The following GFI1B variants were observed in gnomAD, a reference collection of about 807,000 sequenced individuals.
GFI1B encodes growth factor independent 1B transcriptional repressor, also known as zinc finger protein Gfi-1b.
Under a neutral mutation model 35.3 loss-of-function variants are expected in GFI1B, and 20 were observed. That is an observed-to-expected ratio of 0.57 (90% CI 0.40 to 0.82). GFI1B has a LOEUF of 0.82. Ranked by LOEUF, GFI1B falls within the 40% of genes least tolerant of loss-of-function variation. The pLI, the probability that GFI1B is intolerant of heterozygous loss-of-function variation, is 0.00. For missense variants in GFI1B, 430 were observed against 446.3 expected, an observed-to-expected ratio of 0.96 and a Z score of 0.33; for synonymous variants, 178 against 177.6, an observed-to-expected ratio of 1.00 and a Z score of -0.02.
chr9:132,989,557 G>C lies in GFI1B; in HGVS notation c.649-185G>C, dbSNP rs1849209452. 9.9e-6 allele frequency: 6 copies of C among 606,018 alleles called. No individual in the cohort carries two copies. The African/African-American group carries it at 1.1e-4, about 11-fold the overall frequency. The allele number at this position is 606,018 out of a possible 1,614,324, so 37.5% of individuals were successfully genotyped here. A position where few individuals can be genotyped will look rare whatever the true frequency, so the allele number is the denominator to read the frequency against. ...AGCGGGATACCGTGAAGATTACAAG[G>C]AAAAATCCCACAGGAGACCAATGAG... On this transcript the variant is annotated intron_variant, in intron 5 of 6. Coordinates refer to ENST00000372122, the MANE Select transcript of GFI1B (RefSeq NM_001377304.1). The surrounding 1 kb of genome is among the most constrained non-coding windows in gnomAD (Gnocchi z 6.2).
chr9:132,972,721 T>G (rs1422216177), intron 1 of GFI1B: 1 of 152,274 alleles, frequency 6.6e-6, no homozygotes, highest in African/African-American at 2.4e-5. Flanking sequence ...TTCACTTTTT[T>G]CAGGCTGGTT....
intron 1 of GFI1B, among the ~76,000 whole-genome samples, chr9:132,956,698 T>C (rs576229104): frequency 2.6e-5 from 4 of 152,382 alleles, no homozygotes; most frequent in South Asian, 4.1e-4. Context: ...GTGGAGCAAT[T>C]AATTCTGAAA....
intron 1 of GFI1B, among the ~76,000 whole-genome samples, chr9:132,984,967 A>T (rs926490313): frequency 1.3e-5 from 2 of 151,846 alleles, no homozygotes; most frequent in African/African-American, 4.8e-5. Context: ...CCAAGGCCTT[A>T]TCACCCAGGC....
intron 6 of GFI1B, among the ~76,000 whole-genome samples, chr9:132,990,196 C>T (rs930774753): frequency 2.6e-5 from 4 of 152,242 alleles, no homozygotes; most frequent in African/African-American, 9.6e-5. Context: ...CTCACTTGCT[C>T]ATTCATTTGT....
rs749626626 is a variant in GFI1B, at chr9:132,991,049, G to T, written c.992G>T (p.Ter331LeuextTer50). The change falls in exon 7 of 7, where the codon TGA (stop) becomes TTA (leucine). Residue 331 changes from the stop codon to leucine, a stop_lost. Transcript: ENST00000372122. ...RHRESQHNLK[*>L] is the part of the protein sequence containing the mutation. Reference sequence around the variant, plus strand: ...CGCGAGAGCCAGCACAATCTCAAGTGAGGCTGCGCCGGCTCCCAGCTCCTG... The same window carrying T: ...CGCGAGAGCCAGCACAATCTCAAGTTAGGCTGCGCCGGCTCCCAGCTCCTG... 6.2e-7 allele frequency: 1 copy of T among 1,613,062 alleles called. No homozygotes were observed. The highest frequency in any genetic ancestry group is 8.5e-7 in the Non-Finnish European group (1 of 1,179,748).
intron 1 of GFI1B, chr9:132,949,646 T>G (rs1243425460): frequency 6.6e-6 from 1 of 152,278 alleles, no homozygotes; most frequent in Non-Finnish European, 1.5e-5. Flanking sequence ...GACCCAGCCA[T>G]GGCCGTCAGC....
intron 1 of GFI1B, among the ~76,000 whole-genome samples, chr9:132,979,981 A>G (rs1331086828): frequency 6.6e-6 from 1 of 152,238 alleles, no homozygotes; most frequent in African/African-American, 2.4e-5. Flanking sequence ...TTAGTAGGCA[A>G]CAGGCAGAAT....
chr9:132,969,494 C>T (rs192811087), intron 1 of GFI1B, among the ~76,000 whole-genome samples: 11 of 152,318 alleles, frequency 7.2e-5, no homozygotes, highest in Admixed American at 6.5e-4. Context: ...TAATAATACT[C>T]CGTCGTATGG....
intron 1 of GFI1B, among the ~76,000 whole-genome samples, chr9:132,984,120 G>A (rs746111281): frequency 2.0e-5 from 3 of 152,100 alleles, no homozygotes; most frequent in South Asian, 2.1e-4. Context: ...AATATTATGC[G>A]CAAAAAAGGA....
upstream of GFI1B, among the ~76,000 whole-genome samples, chr9:132,977,524 G>A (rs1848666674): frequency 6.6e-6 from 1 of 152,206 alleles, no homozygotes; most frequent in Non-Finnish European, 1.5e-5. Flanking sequence ...TTTTCTTTAT[G>A]AGGGAAACAT....
intron 1 of GFI1B, among the ~76,000 whole-genome samples, chr9:132,956,737 A>T (rs1848288969): frequency 6.6e-6 from 1 of 152,208 alleles, no homozygotes; most frequent in Non-Finnish European, 1.5e-5. Context: ...ATAGAATTGG[A>T]ACAACACCAC....
At chr9:132,969,132 GCT>G (rs1848494910) in intron 1 of GFI1B, among the ~76,000 whole-genome samples, 1 of 151,954 alleles carries the variant, frequency 6.6e-6, no homozygotes, top group Non-Finnish European at 1.5e-5. Context: ...GGGTTCAAGC[GCT>G]TCTCATGCCT....
At chr9:132,980,646 G>A (rs953889183) in intron 1 of GFI1B, among the ~76,000 whole-genome samples, 32 of 152,148 alleles carry the variant, frequency 2.1e-4, no homozygotes, top group Non-Finnish European at 4.4e-4. Context: ...TCATAAAGCT[G>A]AAACTTCATA....
chr9:132,958,305 T>C (rs1216846932), intron 1 of GFI1B, among the ~76,000 whole-genome samples: 1 of 152,050 alleles, frequency 6.6e-6, no homozygotes, highest in Non-Finnish European at 1.5e-5. Context: ...TACAAAGAAA[T>C]ATCTGAGACT....
At chr9:132,968,674 C>G (rs147517538) in intron 1 of GFI1B, among the ~76,000 whole-genome samples, 536 of 152,114 alleles carry the variant, frequency 3.5e-3, no homozygotes, top group Middle Eastern at 6.8e-3. Flanking sequence ...AGATCCTAAT[C>G]GCAAGGTAGG....
chr9:132,959,499 C>T (rs570167879), intron 1 of GFI1B, among the ~76,000 whole-genome samples: 44 of 152,310 alleles, frequency 2.9e-4, no homozygotes, highest in African/African-American at 1.1e-3. Flanking sequence ...GTGAGAGACA[C>T]GTGTGAATAT....
intron 1 of GFI1B, chr9:132,947,357 G>A (rs903714916): frequency 2.0e-5 from 3 of 149,778 alleles, no homozygotes; most frequent in Non-Finnish European, 3.0e-5. Flanking sequence ...TGCCCATCAT[G>A]GAGCTTGTTA....
intron 1 of GFI1B, among the ~76,000 whole-genome samples, chr9:132,982,834 C>G (rs999140445): frequency 1.3e-5 from 2 of 152,034 alleles, no homozygotes; most frequent in Non-Finnish European, 2.9e-5. Flanking sequence ...GGGGAGAGAA[C>G]ACTGGGGGGA....
intron 1 of GFI1B, among the ~76,000 whole-genome samples, chr9:132,980,204 G>T (rs1211045384): frequency 4.6e-5 from 7 of 152,078 alleles, no homozygotes. Flanking sequence ...TTGCCCCGAA[G>T]CTTTCAGCGG....
Sources: allele counts gnomAD v4.1 joint callset (sites outside exome capture counted in the v4.1 genomes callset), GRCh38; gene constraint gnomAD v4.1.1; non-coding constraint Gnocchi (gnomAD v3.1); transcripts MANE v1.5; gene names NCBI Gene and HGNC (gene_info 2026-07-23, HGNC 2026-07-21).